Variants in CNTNAP2 observed in about 807,000 individuals in gnomAD.
CNTNAP2 encodes the protein contactin-associated protein-like 2.
A neutral mutation model predicts 155.2 loss-of-function variants in CNTNAP2; 98 were observed. That is an observed-to-expected ratio of 0.63 (90% CI 0.54 to 0.75). The LOEUF (loss-of-function observed/expected upper bound fraction) is 0.75. Ranked by LOEUF, CNTNAP2 falls within the 30% of genes least tolerant of loss-of-function variation. The pLI, the probability that CNTNAP2 is intolerant of heterozygous loss-of-function variation, is 0.00. For synonymous variants in CNTNAP2, 651 were observed against 631.2 expected, an observed-to-expected ratio of 1.03 and a Z score of -0.47; for missense variants, 1,727 against 1,688.1, an observed-to-expected ratio of 1.02 and a Z score of -0.40.
At chr7:146,913,843 A>T (rs6978662) in intron 3 of CNTNAP2, among the ~76,000 whole-genome samples, 13,998 of 151,376 alleles carry the variant, frequency 0.092, 1,178 homozygotes, top group African/African-American at 0.23. Flanking sequence ...GAGATTTTGG[A>T]GCACCCATCA....
At chr7:147,391,920 A>C (rs1796724998) in intron 9 of CNTNAP2, among the ~76,000 whole-genome samples, 1 of 152,072 alleles carries the variant, frequency 6.6e-6, no homozygotes, top group South Asian at 2.1e-4. Context: ...AAATTCAGTA[A>C]TGCCTGGCTT....
intron 1 of CNTNAP2, among the ~76,000 whole-genome samples, chr7:146,560,630 A>G (rs1798266898): frequency 6.6e-6 from 1 of 152,130 alleles, no homozygotes; most frequent in Admixed American, 6.5e-5. Context: ...AGAGTAGGAG[A>G]AAGAGATGAT....
chr7:146,891,257 G>A (rs1159952188), intron 3 of CNTNAP2, among the ~76,000 whole-genome samples: 2 of 152,248 alleles, frequency 1.3e-5, no homozygotes, highest in East Asian at 3.9e-4. Flanking sequence ...AAGTGGAGGA[G>A]ACAGGAATGG....
At chr7:147,033,160 G>GTA (rs3081742) in intron 3 of CNTNAP2, among the ~76,000 whole-genome samples, 3,355 of 89,602 alleles carry the variant, frequency 0.037, 87 homozygotes, top group Admixed American at 0.054. Context: ...ATATATATAT[G>GTA]TATATATATA....
intron 8 of CNTNAP2, among the ~76,000 whole-genome samples, chr7:147,205,865 C>A (rs1344671949): frequency 6.6e-6 from 1 of 151,936 alleles, no homozygotes; most frequent in Non-Finnish European, 1.5e-5. Flanking sequence ...TAATTTATTG[C>A]ATATTTCAAA....
At chr7:146,829,467 T>C (rs920500028) in intron 2 of CNTNAP2, among the ~76,000 whole-genome samples, 6 of 152,148 alleles carry the variant, frequency 3.9e-5, no homozygotes, top group African/African-American at 1.4e-4. Context: ...CAATATTCAG[T>C]ATTATTATTT....
At chr7:146,328,074 C>T (rs758920923) in intron 1 of CNTNAP2, among the ~76,000 whole-genome samples, 23 of 152,184 alleles carry the variant, frequency 1.5e-4, no homozygotes, top group Non-Finnish European at 2.8e-4. Flanking sequence ...GACGTGGCTG[C>T]TCAGCCGGAG....
intron 20 of CNTNAP2, among the ~76,000 whole-genome samples, chr7:148,266,433 C>A (rs10278113): frequency 0.096 from 14,589 of 152,172 alleles, 1,187 homozygotes; most frequent in African/African-American, 0.22. Flanking sequence ...GGATCAGAAA[C>A]GTGCGTCGCT....
At chr7:146,812,104 C>T (rs966224471) in intron 2 of CNTNAP2, among the ~76,000 whole-genome samples, 4 of 151,920 alleles carry the variant, frequency 2.6e-5, no homozygotes, top group Non-Finnish European at 5.9e-5. Flanking sequence ...AATGTGGAAG[C>T]GACTTTGGAA....
chr7:146,361,865 A>C (rs749713095), intron 1 of CNTNAP2, among the ~76,000 whole-genome samples: 1 of 152,218 alleles, frequency 6.6e-6, no homozygotes, highest in African/African-American at 2.4e-5. Context: ...GCATATTTGA[A>C]GTTTTGTAAG....
At chr7:146,880,335 A>G (rs998586642) in intron 3 of CNTNAP2, among the ~76,000 whole-genome samples, 2 of 152,016 alleles carry the variant, frequency 1.3e-5, no homozygotes, top group African/African-American at 4.8e-5. Flanking sequence ...TCTTTCTGCC[A>G]TTCGAAGAAC....
At chr7:146,288,089 G>C (rs554259665) in intron 1 of CNTNAP2, among the ~76,000 whole-genome samples, 1 of 151,990 alleles carries the variant, frequency 6.6e-6, no homozygotes, top group South Asian at 2.1e-4. Flanking sequence ...CCTAGGTGGA[G>C]GATTGCTTAA....
chr7:146,770,230 A>G (rs1017203619), intron 1 of CNTNAP2, among the ~76,000 whole-genome samples: 1 of 151,982 alleles, frequency 6.6e-6, no homozygotes, highest in Admixed American at 6.6e-5. Context: ...ATGGAGGAAT[A>G]TGCCATATCT....
chr7:146,134,622 T>A (rs1308399625), intron 1 of CNTNAP2, among the ~76,000 whole-genome samples: 2 of 150,402 alleles, frequency 1.3e-5, no homozygotes, highest in Non-Finnish European at 3.0e-5. Flanking sequence ...TAGCATGAAG[T>A]GTTGTTGAAT....
intron 1 of CNTNAP2, among the ~76,000 whole-genome samples, chr7:146,635,750 C>CTTCCGGAGTCCTCCT (rs1286973644): frequency 6.6e-6 from 1 of 151,848 alleles, no homozygotes; most frequent in Non-Finnish European, 1.5e-5. Context: ...GGAGTGCTGC[C>CTTCCGGAGTCCTCCT]TTCCGGAGTC....
intron 9 of CNTNAP2, among the ~76,000 whole-genome samples, chr7:147,320,554 A>G (rs552322818): frequency 6.6e-6 from 1 of 152,312 alleles, no homozygotes; most frequent in African/African-American, 2.4e-5. Context: ...ATCCATCTCA[A>G]ATCCATCTCT....
chr7:146,322,250 A>T (rs540213757), intron 1 of CNTNAP2, among the ~76,000 whole-genome samples: 1 of 152,314 alleles, frequency 6.6e-6, no homozygotes, highest in African/African-American at 2.4e-5. Flanking sequence ...AACAGCCAGT[A>T]TTTGCACTGT....
chr7:147,384,531 CAT>C (rs1796595077), intron 9 of CNTNAP2, among the ~76,000 whole-genome samples: 1 of 152,040 alleles, frequency 6.6e-6, no homozygotes, highest in South Asian at 2.1e-4. Flanking sequence ...ATATAGAATA[CAT>C]ATATGAGGAT....
chr7:146,389,825 C>T (rs1795514743), intron 1 of CNTNAP2, among the ~76,000 whole-genome samples: 1 of 151,086 alleles, frequency 6.6e-6, no homozygotes, highest in South Asian at 2.1e-4. Context: ...CCTCAGTTTG[C>T]CGAGTAGCTG....
Sources: allele counts gnomAD v4.1 joint callset (sites outside exome capture counted in the v4.1 genomes callset), GRCh38; gene constraint gnomAD v4.1.1; transcripts MANE v1.5; gene names NCBI Gene and HGNC (gene_info 2026-07-23, HGNC 2026-07-21).